Variants in PHACTR4 observed in about 807,000 individuals in gnomAD.
PHACTR4 encodes the protein phosphatase and actin regulator 4, also known as protein phosphatase 1, regulatory subunit 124.
A neutral mutation model predicts 72.7 loss-of-function variants in PHACTR4; 51 were observed. The ratio of observed to expected loss-of-function variants is 0.70; its 90% CI spans 0.56 to 0.89. The LOEUF is 0.89. Ranked by LOEUF, PHACTR4 falls within the 40% of genes least tolerant of loss-of-function variation. The pLI, the probability that PHACTR4 is intolerant of heterozygous loss-of-function variation, is 0.00. For synonymous variants in PHACTR4, 255 were observed against 302.5 expected, an observed-to-expected ratio of 0.84 and a Z score of 1.63; for missense variants, 731 against 861.8, an observed-to-expected ratio of 0.85 and a Z score of 1.90.
chr1:28,446,085 T>C lies in PHACTR4; in HGVS notation c.17-13000T>C, dbSNP rs180741016. Among the ~76,000 whole-genome samples the C allele has an allele frequency of 4.6e-5, 7 of 152,304 alleles. No individual in the cohort carries two copies. The East Asian group carries it at 1.3e-3, about 29-fold the overall frequency. On this transcript the variant is annotated intron_variant, in intron 2 of 13. Transcript: ENST00000373839. Reference sequence around the variant, plus strand: ...CTTAGTAGTATTTGGTTATCAGAATTATAAAGACATTTCTCATACCTGTCT... The same window carrying C: ...CTTAGTAGTATTTGGTTATCAGAATCATAAAGACATTTCTCATACCTGTCT...
At chr1:28,445,475 A>ATTTTACCTCTCTTT (rs1553194601) in intron 2 of PHACTR4, among the ~76,000 whole-genome samples, 1 of 128,350 alleles carries the variant, frequency 7.8e-6, no homozygotes, top group Non-Finnish European at 1.6e-5. Flanking sequence ...CTGTCTTTCC[A>ATTTTACCTCTCTTT]TTTTACCTCT....
chr1:28,463,319 G>GC (rs150298162), intron 4 of PHACTR4, among the ~76,000 whole-genome samples: 15,786 of 151,946 alleles, frequency 0.1, 1,894 homozygotes, highest in African/African-American at 0.3. Flanking sequence ...TGATGTTAAA[G>GC]CCCCATAGTA....
intron 8 of PHACTR4, among the ~76,000 whole-genome samples, chr1:28,479,761 C>G (rs556817704): frequency 6.6e-6 from 1 of 151,850 alleles, no homozygotes; most frequent in South Asian, 2.1e-4. Flanking sequence ...GGCGTGGTGA[C>G]CCACGCCTAT....
At chr1:28,411,073 G>C (rs1654754143) in intron 2 of PHACTR4, among the ~76,000 whole-genome samples, 2 of 151,122 alleles carry the variant, frequency 1.3e-5, no homozygotes. Context: ...TTGAGGTGGA[G>C]TCTTGCTCTG....
At chr1:28,382,083 A>G (rs1012260469) in intron 1 of PHACTR4, among the ~76,000 whole-genome samples, 3 of 151,794 alleles carry the variant, frequency 2.0e-5, no homozygotes, top group Non-Finnish European at 4.4e-5. Flanking sequence ...CCTACTCTTT[A>G]ATGGGGTTGT....
intron 2 of PHACTR4, among the ~76,000 whole-genome samples, chr1:28,445,761 G>C (rs1342627262): frequency 2.0e-5 from 3 of 152,082 alleles, no homozygotes; most frequent in Non-Finnish European, 1.5e-5. Context: ...AGGTGTGGTG[G>C]TGCACACCTG....
chr1:28,451,878 A>T (rs534762650), intron 2 of PHACTR4, among the ~76,000 whole-genome samples: 1 of 151,836 alleles, frequency 6.6e-6, no homozygotes, highest in African/African-American at 2.4e-5. Flanking sequence ...GGCTCAAGTG[A>T]TCCCCACTAC....
intron 2 of PHACTR4, among the ~76,000 whole-genome samples, chr1:28,442,681 ATT>A (rs945704975): frequency 6.6e-6 from 1 of 151,498 alleles, no homozygotes; most frequent in African/African-American, 2.4e-5. Context: ...TAATTTTTGT[ATT>A]TTTGTAGAGA....
At chr1:28,370,448 C>G (rs1474820166) in intron 1 of PHACTR4, among the ~76,000 whole-genome samples, 1 of 152,182 alleles carries the variant, frequency 6.6e-6, no homozygotes, top group Non-Finnish European at 1.5e-5. Flanking sequence ...CCTCTACACC[C>G]CGGCTCCGGG....
chr1:28,473,003 C>T (rs929456321), intron 6 of PHACTR4, among the ~76,000 whole-genome samples: 2 of 150,970 alleles, frequency 1.3e-5, no homozygotes, highest in South Asian at 4.2e-4. Context: ...AGCCGGGTGC[C>T]ATGGCTCACG....
chr1:28,395,318 A>G (rs943962959), intron 1 of PHACTR4, among the ~76,000 whole-genome samples: 3 of 152,136 alleles, frequency 2.0e-5, no homozygotes, highest in Non-Finnish European at 4.4e-5. Context: ...TGATTTTGTC[A>G]TGATCAGTGA....
intron 1 of PHACTR4, among the ~76,000 whole-genome samples, chr1:28,388,922 A>G (rs1217904041): frequency 1.3e-5 from 2 of 152,170 alleles, no homozygotes; most frequent in African/African-American, 4.8e-5. Context: ...TACTAGAAGC[A>G]AACACAAGAG....
chr1:28,396,184 G>C (rs1427742837), intron 1 of PHACTR4, among the ~76,000 whole-genome samples: 1 of 152,004 alleles, frequency 6.6e-6, no homozygotes, highest in African/African-American at 2.4e-5. Context: ...GAAATGTAGA[G>C]GTTTTCTACA....
At chr1:28,450,411 T>C (rs931717694) in intron 2 of PHACTR4, among the ~76,000 whole-genome samples, 1 of 152,080 alleles carries the variant, frequency 6.6e-6, no homozygotes, top group African/African-American at 2.4e-5. Context: ...ATGTTCTCTG[T>C]CAAATTGGAA....
At chr1:28,452,757 C>T (rs748092791) in intron 2 of PHACTR4, among the ~76,000 whole-genome samples, 28 of 152,026 alleles carry the variant, frequency 1.8e-4, no homozygotes, top group Non-Finnish European at 2.9e-4. Flanking sequence ...GATCACACCA[C>T]TGCACTCCAG....
chr1:28,495,782 A>C (rs1046651107), intron 13 of PHACTR4, among the ~76,000 whole-genome samples: 2 of 151,704 alleles, frequency 1.3e-5, no homozygotes, highest in Non-Finnish European at 2.9e-5. Context: ...ACACCTGGCT[A>C]ACTTTTTGAT....
At chr1:28,441,366 A>G (rs888208948) in intron 2 of PHACTR4, among the ~76,000 whole-genome samples, 11 of 152,178 alleles carry the variant, frequency 7.2e-5, no homozygotes, top group African/African-American at 2.7e-4. Context: ...GGTGTGAGCC[A>G]CCAGTCCTGC....
chr1:28,444,743 G>A (rs1449884732), intron 2 of PHACTR4, among the ~76,000 whole-genome samples: 2 of 147,936 alleles, frequency 1.4e-5, no homozygotes, highest in African/African-American at 5.0e-5. Flanking sequence ...AGCCTCCCAA[G>A]TAGCTAGGAC....
Position 28,491,013 on chromosome 1 carries a change from G to C in PHACTR4, c.1878+1G>C. ...AATTAAACGTCGGCTCACTAGAAAG[G>C]TACTACTGCCTGTGTGTTCAGTTAA... is the stretch of plus-strand genomic sequence containing the variant. On this transcript the variant is annotated splice_donor_variant, in intron 11 of 13. Coordinates refer to ENST00000373839, the MANE Select transcript of PHACTR4 (RefSeq NM_001048183.3). LOFTEE classifies it high-confidence loss of function. 1 of 1,612,618 alleles carries C rather than the reference G, an allele frequency of 6.2e-7. No individual in the cohort carries two copies. Among genetic ancestry groups the C allele is most frequent in the South Asian group, 1.1e-5 (1 of 91,046 alleles).
Sources: allele counts gnomAD v4.1 joint callset (sites outside exome capture counted in the v4.1 genomes callset), GRCh38; gene constraint gnomAD v4.1.1; transcripts MANE v1.5; gene names NCBI Gene and HGNC (gene_info 2026-07-23, HGNC 2026-07-21).